DYNC1LI1: variants seen among roughly 807,000 people sequenced by gnomAD.
DYNC1LI1 encodes the protein cytoplasmic dynein 1 light intermediate chain 1.
Under a neutral mutation model 63.8 loss-of-function variants are expected in DYNC1LI1, and 19 were observed. The ratio of observed to expected loss-of-function variants is 0.30; its 90% CI spans 0.21 to 0.44. DYNC1LI1 has a LOEUF of 0.44. Among genes scored for constraint, DYNC1LI1 ranks in the 20% least tolerant of loss-of-function variants. DYNC1LI1 has a pLI of 1.00. For synonymous variants in DYNC1LI1, 225 were observed against 232.3 expected, an observed-to-expected ratio of 0.97 and a Z score of 0.28; for missense variants, 565 against 630.2, an observed-to-expected ratio of 0.90 and a Z score of 1.11.
chr3:32,537,153 T>G (rs1343340937), intron 5 of DYNC1LI1, 49 bp from the exon 6 acceptor site: 1 of 1,044,582 alleles, frequency 9.6e-7, no homozygotes, highest in Admixed American at 2.8e-5. Flanking sequence ...TAATCATAAC[T>G]AAATATAGTA....
intron 2 of DYNC1LI1, among the ~76,000 whole-genome samples, chr3:32,568,900 T>C (rs1451360799): frequency 2.6e-5 from 4 of 152,178 alleles, no homozygotes; most frequent in African/African-American, 9.7e-5. Flanking sequence ...AAACTAAAAA[T>C]ATATTATACA....
At position 32,526,548 on chromosome 3, in the gene DYNC1LI1, C is replaced by G. The variant is rs955846788; in HGVS notation, c.*251G>C. On this transcript the variant is annotated 3_prime_UTR_variant, in exon 13 of 13. Transcript: ENST00000273130. The stretch of plus-strand genomic sequence containing the variant: ...TCAGATCTAAAAGTTTTGAGATTTT[C>G]AAAATCAAAAATTACTTTCTTATGC... 8 of 283,760 alleles carry G rather than the reference C, an allele frequency of 2.8e-5. No homozygotes were observed. Among genetic ancestry groups the G allele is most frequent in the African/African-American group, 1.7e-4 (8 of 46,274 alleles). The allele number at this position is 283,760 out of a possible 1,614,324, so 17.6% of individuals were successfully genotyped here.
chr3:32,553,034 G>A (rs1212138236), intron 2 of DYNC1LI1, among the ~76,000 whole-genome samples: 1 of 152,150 alleles, frequency 6.6e-6, no homozygotes, highest in Non-Finnish European at 1.5e-5. Context: ...AGCAGCCACT[G>A]ACACATCTTG....
intron 2 of DYNC1LI1, among the ~76,000 whole-genome samples, chr3:32,547,535 C>T (rs1697972490): frequency 1.3e-5 from 2 of 152,058 alleles, no homozygotes; most frequent in Admixed American, 1.3e-4. Context: ...CAGTGCCCAC[C>T]TCTGCAATGG....
chr3:32,557,726 A>G (rs9825747), intron 2 of DYNC1LI1, among the ~76,000 whole-genome samples: 24,465 of 152,128 alleles, frequency 0.16, 2,293 homozygotes, highest in African/African-American at 0.26. Flanking sequence ...AAAGTGGCCA[A>G]TACAGAAAAG....
rs1332236614 is a variant in DYNC1LI1 at position 32,550,239 on chromosome 3, C to A, written c.221-4274G>T. Among the ~76,000 whole-genome samples, 4 of 152,152 alleles carry A rather than the reference C, an allele frequency of 2.6e-5. No individual in the cohort carries two copies. In the East Asian group the frequency reaches 7.7e-4, roughly 29 times the overall value. Reference sequence around the variant, plus strand: ...CTTAAGTCGGGAGTTAGAGACCAGCCTGACCAACATGGAGAAACCCCGTCT... The same window carrying A: ...CTTAAGTCGGGAGTTAGAGACCAGCATGACCAACATGGAGAAACCCCGTCT... On this transcript the variant is annotated intron_variant, in intron 2 of 12. Coordinates refer to ENST00000273130, the MANE Select transcript of DYNC1LI1 (RefSeq NM_016141.4).
At chr3:32,555,363 G>A (rs189572961) in intron 2 of DYNC1LI1, among the ~76,000 whole-genome samples, 255 of 152,238 alleles carry the variant, frequency 1.7e-3, no homozygotes, top group African/African-American at 5.5e-3. Flanking sequence ...AAACAGATCT[G>A]TTTCATAAAA....
chr3:32,561,509 G>A (rs1393906866), intron 2 of DYNC1LI1, among the ~76,000 whole-genome samples: 1 of 151,836 alleles, frequency 6.6e-6, no homozygotes, highest in African/African-American at 2.4e-5. Context: ...CACGCCGGTG[G>A]TCCCAGCTAC....
intron 11 of DYNC1LI1, among the ~76,000 whole-genome samples, chr3:32,529,071 A>G (rs1174809165): frequency 6.6e-6 from 1 of 152,210 alleles, no homozygotes; most frequent in African/African-American, 2.4e-5. Context: ...GTAGTATTTA[A>G]AGCATGTTAA....
At chr3:32,561,023 A>C (rs1167713324) in intron 2 of DYNC1LI1, among the ~76,000 whole-genome samples, 5 of 141,066 alleles carry the variant, frequency 3.5e-5, no homozygotes, top group East Asian at 2.0e-4. Flanking sequence ...AAAAAAAAAA[A>C]AAAAAAAAAA....
At chr3:32,544,769 T>G in intron 4 of DYNC1LI1, 107 bp downstream of exon 4, 1 of 722,416 alleles carries the variant, frequency 1.4e-6, no homozygotes, top group African/African-American at 1.8e-5. Flanking sequence ...GTACTTACAA[T>G]ATGCTTACTT....
At position 32,537,916 on chromosome 3, in the gene DYNC1LI1, T is replaced by A. The variant is rs369804889; in HGVS notation, c.739-812A>T. Among the ~76,000 whole-genome samples, 106 of 35,846 alleles carry A rather than the reference T, an allele frequency of 3.0e-3. 11 individuals are homozygous for A. The highest frequency in any genetic ancestry group is 4.3e-3 in the Non-Finnish European group (88 of 20,292). The allele number at this position is 35,846 out of a possible 152,430, so 23.5% of individuals were successfully genotyped here. On this transcript the variant is annotated intron_variant, in intron 5 of 12. Coordinates refer to ENST00000273130, the MANE Select transcript of DYNC1LI1 (RefSeq NM_016141.4). ...TATATATATAATATATATATATAAT[T>A]TATATATATAATATATATATAATAT...
At chr3:32,567,260 T>A (rs1198758394) in intron 2 of DYNC1LI1, among the ~76,000 whole-genome samples, 2 of 152,096 alleles carry the variant, frequency 1.3e-5, no homozygotes, top group African/African-American at 2.4e-5. Flanking sequence ...ACCCCATCTA[T>A]AAATTGGTGC....
intron 2 of DYNC1LI1, among the ~76,000 whole-genome samples, chr3:32,551,638 A>T (rs988057982): frequency 6.6e-6 from 1 of 152,198 alleles, no homozygotes; most frequent in Non-Finnish European, 1.5e-5. Context: ...GCAAAAAATG[A>T]GGTAGTTCTG....
chr3:32,557,332 A>G (rs1330206347), intron 2 of DYNC1LI1, among the ~76,000 whole-genome samples: 1 of 152,104 alleles, frequency 6.6e-6, no homozygotes, highest in Non-Finnish European at 1.5e-5. Flanking sequence ...CCTGGCCAAC[A>G]TGACGAAACC....
chr3:32,558,665 G>A (rs1054617972), intron 2 of DYNC1LI1, among the ~76,000 whole-genome samples: 7 of 152,010 alleles, frequency 4.6e-5, no homozygotes, highest in Non-Finnish European at 1.0e-4. Flanking sequence ...GACCAACATG[G>A]AGAAATCCCG....
At chr3:32,562,655 T>A (rs1054396905) in intron 2 of DYNC1LI1, among the ~76,000 whole-genome samples, 2 of 152,234 alleles carry the variant, frequency 1.3e-5, no homozygotes, top group East Asian at 1.9e-4. Context: ...TACCTTTTTT[T>A]AAATTTCTCT....
intron 6 of DYNC1LI1, among the ~76,000 whole-genome samples, chr3:32,534,987 A>G (rs1371251471): frequency 6.6e-6 from 1 of 152,250 alleles, no homozygotes; most frequent in East Asian, 1.9e-4. Context: ...CCTAAACTTC[A>G]TAGAGGGGAT....
chr3:32,534,961 T>G (rs996558742), intron 6 of DYNC1LI1, among the ~76,000 whole-genome samples: 4 of 152,172 alleles, frequency 2.6e-5, no homozygotes, highest in African/African-American at 9.7e-5. Context: ...AAGGACAATT[T>G]TTATGTTTTA....
Sources: gnomAD v4.1 joint callset for allele counts (sites outside exome capture counted in the v4.1 genomes callset) on GRCh38, gnomAD v4.1.1 for gene constraint, MANE v1.5 for transcripts, NCBI Gene and HGNC (gene_info 2026-07-23, HGNC 2026-07-21) for gene names.